The following RNLS variants were observed in gnomAD, a reference collection of about 807,000 sequenced individuals.
The protein encoded by RNLS is renalase, FAD dependent amine oxidase.
RNLS carries 39 observed loss-of-function variants against 39.8 expected under a neutral mutation model. The observed-to-expected ratio is 0.98, with a 90% confidence interval of 0.76 to 1.28. RNLS has a LOEUF of 1.28. RNLS is among the 50% of genes most tolerant of loss of function. The pLI, the probability that RNLS is intolerant of heterozygous loss-of-function variation, is 0.00. For missense variants in RNLS, 410 were observed against 413.3 expected (o/e 0.99, Z 0.07); for synonymous variants, 147 against 150.7 (o/e 0.98, Z 0.18).
rs145847282 is a variant in RNLS at position 88,410,362 on chromosome 10, A to C, written c.527-47637T>G. Among the ~76,000 whole-genome samples, 278 of 152,150 alleles carry C rather than the reference A, an allele frequency of 1.8e-3. 2 individuals are homozygous for C. The highest frequency in any genetic ancestry group is 6.4e-3 in the African/African-American group (266 of 41,536). ...TTACTTTATTCTTATTTTCATTGTA[A>C]CTTCAGAAAATAAAACTTGATTTTG... On this transcript the variant is annotated intron_variant, in intron 4 of 6. Transcript: ENST00000331772.
chr10:88,236,785 G>T, the RNLS span, among the ~76,000 whole-genome samples: 1 of 152,190 alleles, frequency 6.6e-6, no homozygotes, highest in African/African-American at 2.4e-5. Context: ...GAAATGAGAT[G>T]ATGCCTGCAG....
At chr10:88,554,682 C>T (rs905614891) in intron 4 of RNLS, among the ~76,000 whole-genome samples, 1 of 151,968 alleles carries the variant, frequency 6.6e-6, no homozygotes, top group Non-Finnish European at 1.5e-5. Context: ...ATGTGCTCTG[C>T]CCTCCTTTGT....
intron 4 of RNLS, among the ~76,000 whole-genome samples, chr10:88,507,840 A>G (rs1319584455): frequency 6.6e-6 from 1 of 152,164 alleles, no homozygotes; most frequent in Non-Finnish European, 1.5e-5. Context: ...GCAACCACTT[A>G]TTACAGCCAC....
chr10:88,467,313 GA>G lies in RNLS; in HGVS notation c.527-104589del, dbSNP rs1484183816. Among the ~76,000 whole-genome samples, 3 of 151,648 alleles carry G rather than the reference GA, an allele frequency of 2.0e-5. No individual in the cohort carries two copies. The South Asian group carries it at 6.3e-4, about 32-fold the overall frequency. On this transcript the variant is annotated intron_variant, in intron 4 of 6. Coordinates refer to ENST00000331772, the MANE Select transcript of RNLS (RefSeq NM_001031709.3). ...AATTAAAAAAAATAAATAAAAGAAA[GA>G]AAAAAAGAGTCCAAGATCAATAACA...
At chr10:88,171,946 A>G in the RNLS span, among the ~76,000 whole-genome samples, 1 of 152,188 alleles carries the variant, frequency 6.6e-6, no homozygotes, top group African/African-American at 2.4e-5. Context: ...CACTTAACAC[A>G]ATGTCCTCCA....
At chr10:88,430,519 T>G (rs537879810) in intron 4 of RNLS, among the ~76,000 whole-genome samples, 61 of 151,918 alleles carry the variant, frequency 4.0e-4, no homozygotes, top group African/African-American at 1.4e-3. Flanking sequence ...ACCCCCCTAG[T>G]TAAATGTTGA....
chr10:88,538,822 AC>A (rs139051762), intron 4 of RNLS, among the ~76,000 whole-genome samples: 2,371 of 152,210 alleles, frequency 0.016, 27 homozygotes, highest in Non-Finnish European at 0.026. Context: ...GGAAGTTATA[AC>A]ATCTACTTGA....
intron 4 of RNLS, among the ~76,000 whole-genome samples, chr10:88,379,972 C>A (rs534543503): frequency 6.6e-6 from 1 of 152,226 alleles, no homozygotes; most frequent in Admixed American, 6.5e-5. Flanking sequence ...CAGCCGAGAC[C>A]CCAGACACCA....
Position 88,446,930 on chromosome 10 carries a change from A to G in RNLS, c.527-84205T>C, listed in dbSNP as rs527401849. ...CAAAAACCACATGATTATCTCAATAAATGCAGAAAAGTCCTTTGACAAAAT... is the reference window on the plus strand; with the variant it reads ...CAAAAACCACATGATTATCTCAATAGATGCAGAAAAGTCCTTTGACAAAAT... On this transcript the variant is annotated intron_variant, in intron 4 of 6. Transcript: ENST00000331772. 2.6e-5 allele frequency among the ~76,000 whole-genome samples: 4 copies of G among 152,326 alleles called. 1 individual carries two copies. The highest frequency in any genetic ancestry group is 4.8e-5 in the African/African-American group (2 of 41,576).
intron 6 of RNLS, among the ~76,000 whole-genome samples, chr10:88,278,998 T>G (rs756447904): frequency 5.3e-4 from 81 of 152,326 alleles, no homozygotes; most frequent in Middle Eastern, 3.4e-3. Flanking sequence ...TTGTGGCTAT[T>G]GCAATTTTGG....
At chr10:88,247,793 G>A in the RNLS span, among the ~76,000 whole-genome samples, 1 of 152,234 alleles carries the variant, frequency 6.6e-6, no homozygotes, top group East Asian at 1.9e-4. Flanking sequence ...TAATCACAAG[G>A]ATCCTTTAAA....
chr10:88,474,403 C>T (rs937999004), intron 4 of RNLS, among the ~76,000 whole-genome samples: 2 of 152,160 alleles, frequency 1.3e-5, no homozygotes, highest in African/African-American at 2.4e-5. Flanking sequence ...TGGCAGTTCC[C>T]ACACCTATGT....
chr10:88,580,161 TA>T (rs1850454014), intron 3 of RNLS, among the ~76,000 whole-genome samples: 1 of 152,300 alleles, frequency 6.6e-6, no homozygotes. Flanking sequence ...CCAACCAACA[TA>T]ATCATGTGAG....
the RNLS span, among the ~76,000 whole-genome samples, chr10:88,191,939 C>A: frequency 6.6e-6 from 1 of 151,762 alleles, no homozygotes; most frequent in African/African-American, 2.4e-5. Flanking sequence ...TCTACTGTGG[C>A]GTCTTCAGCT....
At chr10:88,498,546 T>C (rs116412431) in intron 4 of RNLS, among the ~76,000 whole-genome samples, 1 of 148,352 alleles carries the variant, frequency 6.7e-6, no homozygotes. Flanking sequence ...AAGGTCTGCA[T>C]ACTAGATAAT....
chr10:88,534,822 T>A (rs1847644588), intron 4 of RNLS, among the ~76,000 whole-genome samples: 1 of 152,022 alleles, frequency 6.6e-6, no homozygotes, highest in African/African-American at 2.4e-5. Context: ...ATAGGAAATG[T>A]GGGAGTTGGA....
At chr10:88,221,975 G>C in the RNLS span, among the ~76,000 whole-genome samples, 1 of 152,192 alleles carries the variant, frequency 6.6e-6, no homozygotes. Context: ...TTTATGAGCT[G>C]CCTGAGGTGA....
chr10:88,256,309 T>G, the RNLS span, among the ~76,000 whole-genome samples: 1 of 152,208 alleles, frequency 6.6e-6, no homozygotes, highest in South Asian at 2.1e-4. Context: ...CGGTTTACGG[T>G]TCCAGTGTTC....
intron 4 of RNLS, among the ~76,000 whole-genome samples, chr10:88,364,362 T>G (rs1030032439): frequency 2.0e-5 from 3 of 152,148 alleles, no homozygotes; most frequent in Non-Finnish European, 1.5e-5. Context: ...TATAGCACAG[T>G]AATAATCCTA....
Sources: allele counts gnomAD v4.1 joint callset (sites outside exome capture counted in the v4.1 genomes callset), GRCh38; gene constraint gnomAD v4.1.1; transcripts MANE v1.5; gene names NCBI Gene and HGNC (gene_info 2026-07-23, HGNC 2026-07-21).